TAOK1: variants seen among roughly 807,000 people sequenced by gnomAD.
TAOK1 encodes serine/threonine-protein kinase TAO1.
TAOK1 carries 21 observed loss-of-function variants against 138.3 expected under a neutral mutation model. That is an observed-to-expected ratio of 0.15 (90% CI 0.11 to 0.22). The LOEUF is 0.22. Ranked by LOEUF, TAOK1 falls within the 10% of genes least tolerant of loss-of-function variation. The pLI, the probability that TAOK1 is intolerant of heterozygous loss-of-function variation, is 1.00. For missense variants in TAOK1, 651 were observed against 1,227.7 expected (o/e 0.53, Z 7.02); for synonymous variants, 361 against 398.4 (o/e 0.91, Z 1.12).
intron 1 of TAOK1, among the ~76,000 whole-genome samples, chr17:29,399,628 A>T (rs1411821385): frequency 6.6e-6 from 1 of 152,196 alleles, no homozygotes; most frequent in Non-Finnish European, 1.5e-5. Context: ...TTGGATTTAT[A>T]TATCTGGAGT....
intron 15 of TAOK1, chr17:29,512,590 A>G (rs2031741791): frequency 6.6e-6 from 1 of 151,540 alleles, no homozygotes; most frequent in Non-Finnish European, 1.5e-5. Context: ...CATCTTGGCC[A>G]GGCTGGTCTT....
intron 1 of TAOK1, among the ~76,000 whole-genome samples, chr17:29,438,027 C>T (rs569362028): frequency 1.8e-4 from 27 of 152,138 alleles, no homozygotes; most frequent in Non-Finnish European, 2.6e-4. Flanking sequence ...CCAGCGTGCC[C>T]GGCCGTAACT....
intron 4 of TAOK1, among the ~76,000 whole-genome samples, chr17:29,476,802 T>C (rs1282181001): frequency 1.3e-5 from 2 of 152,130 alleles, no homozygotes; most frequent in Non-Finnish European, 2.9e-5. Flanking sequence ...TTATATTGGC[T>C]TTTTGTTTTA....
chr17:29,528,057 T>A (rs2032040661), intron 17 of TAOK1, among the ~76,000 whole-genome samples: 1 of 152,200 alleles, frequency 6.6e-6, no homozygotes, highest in South Asian at 2.1e-4. Flanking sequence ...TGTGTGTGTG[T>A]GTGTGTTTTT....
chr17:29,473,228 CAA>C (rs749620541), intron 3 of TAOK1, among the ~76,000 whole-genome samples: 9 of 152,180 alleles, frequency 5.9e-5, no homozygotes, highest in Non-Finnish European at 1.2e-4. Flanking sequence ...TAGCCCCTAA[CAA>C]GAGAGTCAGC....
chr17:29,400,220 C>G (rs1257166754), intron 1 of TAOK1, among the ~76,000 whole-genome samples: 2 of 151,846 alleles, frequency 1.3e-5, no homozygotes, highest in African/African-American at 2.4e-5. Flanking sequence ...GTGGTGAAAC[C>G]CCGTCTTTAC....
chr17:29,426,846 GA>G (rs1471115758), intron 1 of TAOK1, among the ~76,000 whole-genome samples: 1 of 152,136 alleles, frequency 6.6e-6, no homozygotes, highest in Non-Finnish European at 1.5e-5. Context: ...TGAGATTAAG[GA>G]AACGCCTAAA....
At chr17:29,492,600 G>A (rs1489358366) in intron 10 of TAOK1, among the ~76,000 whole-genome samples, 1 of 150,990 alleles carries the variant, frequency 6.6e-6, no homozygotes, top group African/African-American at 2.4e-5. Flanking sequence ...AGACCATCCT[G>A]GCCAACATGC....
chr17:29,540,083 A>C (rs1222667144), intron 19 of TAOK1, among the ~76,000 whole-genome samples: 1 of 152,018 alleles, frequency 6.6e-6, no homozygotes, highest in African/African-American at 2.4e-5. Context: ...AAAGGCATGG[A>C]GAAATGATAA....
chr17:29,514,132 A>G (rs1396633892), intron 15 of TAOK1: 1 of 152,032 alleles, frequency 6.6e-6, no homozygotes, highest in East Asian at 1.9e-4. Context: ...GAAAAAGAAA[A>G]AGATAACCAG....
intron 1 of TAOK1, among the ~76,000 whole-genome samples, chr17:29,423,847 A>G (rs943409989): frequency 2.0e-5 from 3 of 152,030 alleles, no homozygotes; most frequent in Non-Finnish European, 4.4e-5. Context: ...CAGGAGTTCG[A>G]GACCAGCCTG....
chr17:29,533,966 A>G, intron 18 of TAOK1, 152 bp from the exon 19 acceptor site: 1 of 667,262 alleles, frequency 1.5e-6, no homozygotes, highest in Non-Finnish European at 2.2e-6. Flanking sequence ...TCTTTTTCAG[A>G]GATGTTTACT....
At chr17:29,488,431 G>T (rs190220599) in intron 8 of TAOK1, among the ~76,000 whole-genome samples, 215 of 87,308 alleles carry the variant, frequency 2.5e-3, no homozygotes, top group Middle Eastern at 0.014. Flanking sequence ...TTAGCCAGGC[G>T]TGGCAGCGCA....
chr17:29,397,607 C>CCCGAA (rs60665025), intron 1 of TAOK1, among the ~76,000 whole-genome samples: 1 of 94,616 alleles, frequency 1.1e-5, no homozygotes, highest in Non-Finnish European at 2.0e-5. Flanking sequence ...CGTCCCCCCC[C>CCCGAA]AAAAAAATAT....
chr17:29,402,723 T>C (rs903854166), intron 1 of TAOK1, among the ~76,000 whole-genome samples: 2 of 152,152 alleles, frequency 1.3e-5, no homozygotes, highest in Non-Finnish European at 2.9e-5. Flanking sequence ...ATGTGACTAA[T>C]TAAGTATATT....
rs144122131 is a variant in TAOK1 at position 29,534,231 on chromosome 17, A to G, written c.2475A>G (p.Ala825=). 1.2e-5 allele frequency: 20 copies of G among 1,613,478 alleles called. No homozygotes were observed. The African/African-American group carries it at 2.7e-4, about 22-fold the overall frequency. Residue 825 remains alanine (A), a synonymous_variant, in exon 19 of 20, where the codon GCA becomes GCG. Coordinates refer to ENST00000261716, the MANE Select transcript of TAOK1 (RefSeq NM_020791.4). ...GCAAAATCAAGATGCAAGCTGAGGC[A>G]CAACATGATCGAGAGCTTCGCGAGC... ...YQSKIKMQAE[A]QHDRELRELE...
intron 8 of TAOK1, among the ~76,000 whole-genome samples, chr17:29,483,718 CAG>C (rs746258963): frequency 1.3e-4 from 20 of 152,126 alleles, no homozygotes; most frequent in Admixed American, 2.6e-4. Context: ...CATCAACAAA[CAG>C]AGATTTGGAG....
intron 17 of TAOK1, among the ~76,000 whole-genome samples, chr17:29,527,950 A>G (rs2032039148): frequency 6.6e-6 from 1 of 152,196 alleles, no homozygotes; most frequent in Non-Finnish European, 1.5e-5. Flanking sequence ...ACTGTAGTTC[A>G]TGTCTGTTAC....
chr17:29,498,310 T>C lies in TAOK1; in HGVS notation c.1000-8T>C, dbSNP rs1420844217. The C allele has an allele frequency of 6.2e-7, 1 of 1,614,088 alleles. No individual in the cohort carries two copies. The highest frequency in any genetic ancestry group is 1.3e-5 in the African/African-American group (1 of 75,046). On this transcript the variant is annotated splice_polypyrimidine_tract_variant and splice_region_variant and intron_variant, in intron 11 of 19. Coordinates refer to ENST00000261716, the MANE Select transcript of TAOK1 (RefSeq NM_020791.4). ...ATTTGAACTGAACTGAATGTCCTTT[T>C]CTCTTAGGAACAAGATCATGGTGTT...
Sources: allele counts gnomAD v4.1 joint callset (sites outside exome capture counted in the v4.1 genomes callset), GRCh38; gene constraint gnomAD v4.1.1; transcripts MANE v1.5; gene names NCBI Gene and HGNC (gene_info 2026-07-23, HGNC 2026-07-21).